The following OR10J1 variants were observed in gnomAD, a reference collection of about 807,000 sequenced individuals.
OR10J1 encodes the protein olfactory receptor family 10 subfamily J member 1.
For synonymous variants in OR10J1, 202 were observed against 143.8 expected (o/e 1.40, Z -2.89); for missense variants, 474 against 376.6 (o/e 1.26, Z -2.14).
the OR10J1 span, among the ~76,000 whole-genome samples, chr1:159,425,129 C>T: frequency 6.6e-6 from 1 of 152,144 alleles, no homozygotes; most frequent in African/African-American, 2.4e-5. Context: ...CAACAAAATA[C>T]AACATATGTG....
the OR10J1 span, among the ~76,000 whole-genome samples, chr1:159,428,619 A>T: frequency 6.6e-6 from 1 of 152,212 alleles, no homozygotes; most frequent in African/African-American, 2.4e-5. Context: ...GATTTCAAAC[A>T]GTCCTAACGA....
the OR10J1 span, among the ~76,000 whole-genome samples, chr1:159,411,140 A>AGGTGT: frequency 0.11 from 16,620 of 151,754 alleles, 1,116 homozygotes; most frequent in Admixed American, 0.15. Flanking sequence ...ATTTTGGAAT[A>AGGTGT]GGTGTGGTGT....
chr1:159,429,240 C>CG, the OR10J1 span, among the ~76,000 whole-genome samples: 1 of 152,202 alleles, frequency 6.6e-6, no homozygotes, highest in South Asian at 2.1e-4. Flanking sequence ...GTGTAGTGTT[C>CG]CCAGTTTCTG....
rs1406062052 is a variant in OR10J1, at chr1:159,440,531, T to C, written c.740T>C (p.Val247Ala). Residue 247 changes from valine (V) to alanine (A), a missense_variant, in exon 1 of 1, where the codon GTC becomes GCC. Coordinates refer to ENST00000423932, the MANE Select transcript of OR10J1 (RefSeq NM_012351.3). ...ACCTGTGCATCCCACCTCACTGTGG[T>C]CATTGTCCACTACAGCTGTGCCTCC... ...FATCASHLTV[V>A]IVHYSCASIA... 2 of 1,614,040 alleles carry C rather than the reference T, an allele frequency of 1.2e-6. No homozygotes were observed. The highest frequency in any genetic ancestry group is 1.7e-5 in the Admixed American group (1 of 59,998).
At chr1:159,413,489 C>A in the OR10J1 span, among the ~76,000 whole-genome samples, 25 of 152,064 alleles carry the variant, frequency 1.6e-4, no homozygotes, top group Admixed American at 1.6e-3. Flanking sequence ...CACATATACA[C>A]CATGGAATAC....
Position 159,440,477 on chromosome 1 carries a change from C to T in OR10J1, c.686C>T (p.Ser229Leu). ...LIISTILKIASVEGRKKAFAT... is the reference protein window; with the variant it reads ...LIISTILKIALVEGRKKAFAT... ...ATCTCTACAATCCTCAAGATTGCTT[C>T]AGTTGAGGGCCGGAAGAAGGCTTTT... is the stretch of plus-strand genomic sequence containing the variant. Residue 229 changes from serine (S) to leucine (L), a missense_variant, in exon 1 of 1, where the codon TCA (serine) becomes TTA (leucine). Transcript: ENST00000423932. 6.2e-7 allele frequency: 1 copy of T among 1,614,126 alleles called. No homozygotes were observed. The highest frequency in any genetic ancestry group is 8.5e-7 in the Non-Finnish European group (1 of 1,180,020).
chr1:159,426,208 T>C, the OR10J1 span, among the ~76,000 whole-genome samples: 1 of 151,882 alleles, frequency 6.6e-6, no homozygotes, highest in Non-Finnish European at 1.5e-5. Flanking sequence ...TTCAAAAATT[T>C]ATTTAATTAC....
the OR10J1 span, among the ~76,000 whole-genome samples, chr1:159,420,553 T>A: frequency 4.6e-5 from 7 of 152,136 alleles, no homozygotes; most frequent in Non-Finnish European, 1.0e-4. Context: ...CTACCAGGCA[T>A]AGGACTCCCA....
the OR10J1 span, among the ~76,000 whole-genome samples, chr1:159,426,503 C>T: frequency 6.6e-6 from 1 of 151,726 alleles, no homozygotes; most frequent in Admixed American, 6.6e-5. Context: ...GTATAAGGCC[C>T]TAACAACTTA....
chr1:159,439,426 G>A (rs970655424), upstream of OR10J1, among the ~76,000 whole-genome samples: 10 of 152,130 alleles, frequency 6.6e-5, no homozygotes, highest in African/African-American at 1.2e-4. Context: ...ACGGTTTTAT[G>A]AAGGCCTGAA....
chr1:159,423,957 C>A, the OR10J1 span, among the ~76,000 whole-genome samples: 1 of 152,162 alleles, frequency 6.6e-6, no homozygotes, highest in Non-Finnish European at 1.5e-5. Context: ...CACACTACAT[C>A]TGTAATCCCA....
the OR10J1 span, among the ~76,000 whole-genome samples, chr1:159,424,479 A>C: frequency 9.0e-4 from 134 of 149,702 alleles, 1 homozygote; most frequent in Non-Finnish European, 1.7e-3. Flanking sequence ...ATAAGTATAC[A>C]TATATGTATA....
At chr1:159,407,545 G>A in the OR10J1 span, among the ~76,000 whole-genome samples, 1 of 152,102 alleles carries the variant, frequency 6.6e-6, no homozygotes, top group Admixed American at 6.6e-5. Context: ...AAGGAGATGT[G>A]TTTAACCAGG....
At chr1:159,433,636 A>T (rs138120391), upstream of OR10J1, among the ~76,000 whole-genome samples, 1 of 152,226 alleles carries the variant, frequency 6.6e-6, no homozygotes, top group East Asian at 1.9e-4. Flanking sequence ...TCCAGCTAAG[A>T]CTGTGTTCTT....
chr1:159,409,840 T>C, the OR10J1 span, among the ~76,000 whole-genome samples: 1 of 152,180 alleles, frequency 6.6e-6, no homozygotes, highest in African/African-American at 2.4e-5. Flanking sequence ...GGGTTTGCTA[T>C]AGATAGCTGT....
the OR10J1 span, among the ~76,000 whole-genome samples, chr1:159,402,692 T>A: frequency 9.6e-4 from 146 of 152,052 alleles, no homozygotes; most frequent in Middle Eastern, 0.017. Flanking sequence ...TACCCAAAGC[T>A]GTCTACAGAT....
chr1:159,428,615 A>G, the OR10J1 span, among the ~76,000 whole-genome samples: 1 of 152,188 alleles, frequency 6.6e-6, no homozygotes, highest in Admixed American at 6.5e-5. Flanking sequence ...AAAGGATTTC[A>G]AACAGTCCTA....
At chr1:159,420,692 G>GT in the OR10J1 span, among the ~76,000 whole-genome samples, 45 of 148,108 alleles carry the variant, frequency 3.0e-4, no homozygotes, top group South Asian at 6.4e-4. Flanking sequence ...TGGTTAGTAG[G>GT]TTTTTTTTTT....
the OR10J1 span, among the ~76,000 whole-genome samples, chr1:159,424,513 A>G: frequency 1.0e-2 from 1,502 of 150,786 alleles, 11 homozygotes; most frequent in Non-Finnish European, 0.018. Flanking sequence ...ATGTGTGTGT[A>G]TATATACATA....
Sources: allele counts gnomAD v4.1 joint callset (sites outside exome capture counted in the v4.1 genomes callset), GRCh38; gene constraint gnomAD v4.1.1; transcripts MANE v1.5; gene names NCBI Gene and HGNC (gene_info 2026-07-23, HGNC 2026-07-21).